ATP8B2: variants seen among roughly 807,000 people sequenced by gnomAD.
ATP8B2 encodes ATPase phospholipid transporting 8B2, also known as phospholipid-transporting ATPase ID.
Under a neutral mutation model 133.4 loss-of-function variants are expected in ATP8B2, and 70 were observed. That is an observed-to-expected ratio of 0.52 (90% CI 0.43 to 0.64). The LOEUF is 0.64. Among genes scored for constraint, ATP8B2 ranks in the 30% least tolerant of loss-of-function variants. The probability of loss-of-function intolerance (pLI) is 0.00; values close to 1 mark genes in which losing one functional copy is unlikely to be tolerated. For synonymous variants in ATP8B2, 517 were observed against 589.5 expected (o/e 0.88, Z 1.78); for missense variants, 1,101 against 1,535.7 (o/e 0.72, Z 4.73).
intron 1 of ATP8B2, among the ~76,000 whole-genome samples, chr1:154,326,831 C>G (rs924209097): frequency 2.6e-5 from 4 of 152,214 alleles, no homozygotes; most frequent in African/African-American, 9.7e-5. Context: ...ACTCTTGCAT[C>G]CTTTAACCTC....
chr1:154,331,087 A>G lies in ATP8B2; in HGVS notation c.244A>G (p.Ile82Val), dbSNP rs200971904. 50 of 1,614,050 alleles carry G rather than the reference A, an allele frequency of 3.1e-5. 2 individuals are homozygous for G. The Admixed American group carries it at 8.3e-4, about 27-fold the overall frequency. The change falls in exon 5 of 28, where the codon ATT becomes GTT. Residue 82 changes from isoleucine to valine, a missense_variant. By Grantham distance (29) the Ile-to-Val change is conservative (BLOSUM62 3). Transcript: ENST00000368489. The surrounding 1 kb of genome is among the most constrained non-coding windows in gnomAD (Gnocchi z 4.8). Reference sequence around the variant, plus strand: ...CTCTTCCCTGTCCTGGTTCACCACCATTGTGCCTTTGGTTCTTGTCCTCAC... The same window carrying G: ...CTCTTCCCTGTCCTGGTTCACCACCGTTGTGCCTTTGGTTCTTGTCCTCAC... ...QISSLSWFTT[I>V]VPLVLVLTIT...
At chr1:154,332,907 T>A (rs754970723) in intron 9 of ATP8B2, among the ~76,000 whole-genome samples, 6 of 152,198 alleles carry the variant, frequency 3.9e-5, no homozygotes, top group Non-Finnish European at 5.9e-5. Context: ...GGCTGATAGC[T>A]CCCCACTTGC....
intron 12 of ATP8B2, among the ~76,000 whole-genome samples, chr1:154,338,430 G>C (rs528375408): frequency 1.3e-5 from 2 of 152,332 alleles, no homozygotes; most frequent in South Asian, 2.1e-4. Flanking sequence ...GGGAAGCCAA[G>C]GTGGGCGGAT....
chr1:154,337,630 A>G, intron 12 of ATP8B2, 86 bp downstream of exon 12: 1 of 1,613,758 alleles, frequency 6.2e-7, no homozygotes. Flanking sequence ...GAAGTCCTTG[A>G]GAAGTAACGA....
At chr1:154,342,704 C>G in intron 14 of ATP8B2, 92 bp from the exon 15 acceptor site, 2 of 1,507,390 alleles carry the variant, frequency 1.3e-6, no homozygotes, top group Non-Finnish European at 1.8e-6. Flanking sequence ...TGGACAGGAG[C>G]CTACTGAGAG....
intron 26 of ATP8B2, 33 bp from the exon 27 acceptor site, chr1:154,348,375 C>T (rs1336702862): frequency 1.9e-6 from 3 of 1,580,864 alleles, no homozygotes; most frequent in East Asian, 4.5e-5. Flanking sequence ...TGCCTCGTGA[C>T]TCCCAAGGCC....
chr1:154,343,247 C>CAGCT lies in ATP8B2; in HGVS notation c.1589_1592dup (p.Leu532AlafsTer33), dbSNP rs1218474523. 6.2e-7 allele frequency: 1 copy of CAGCT among 1,614,012 alleles called. No homozygotes were observed. The highest frequency in any genetic ancestry group is 8.5e-7 in the Non-Finnish European group (1 of 1,180,026). On this transcript the variant is annotated frameshift_variant, in exon 16 of 28. Transcript: ENST00000368489. LOFTEE classifies it high-confidence loss of function. This position sits in a 1 kb window ranked among gnomAD's most constrained non-coding sequence, Gnocchi z 5.8. ...TGAGATGGGCACAGCCATCACCTAC[C>CAGCT]AGCTGCTGGCCATCCTGGACTTCAA...
rs1430888494 is a variant in ATP8B2, at chr1:154,344,447, T to C, written c.2088T>C (p.Thr696=). The change falls in exon 20 of 28, where the codon ACT becomes ACC. Residue 696 remains threonine, a synonymous_variant. Transcript: ENST00000368489. This position sits in a 1 kb window ranked among gnomAD's most constrained non-coding sequence, Gnocchi z 4.1. ...YSCKMLTDDM[T]EVFIVTGHTV... is the part of the protein sequence containing the mutation. ...GCAAGATGCTGACGGATGACATGACTGAGGTTTTCATAGTCACTGGCCATA... is the reference window on the plus strand; with the variant it reads ...GCAAGATGCTGACGGATGACATGACCGAGGTTTTCATAGTCACTGGCCATA... The C allele has an allele frequency of 6.2e-7, 1 of 1,614,140 alleles. No homozygotes were observed. Among genetic ancestry groups the C allele is most frequent in the South Asian group, 1.1e-5 (1 of 91,086 alleles).
rs555843176 is a variant in ATP8B2 at position 154,334,794 on chromosome 1, A to C, written c.837+203A>C. Among the ~76,000 whole-genome samples the C allele has an allele frequency of 3.3e-5, 5 of 152,260 alleles. No homozygotes were observed. The highest frequency in any genetic ancestry group is 1.2e-4 in the African/African-American group (5 of 41,556). On this transcript the variant is annotated intron_variant, in intron 11 of 27. Transcript: ENST00000368489. This position sits in a 1 kb window ranked among gnomAD's most constrained non-coding sequence, Gnocchi z 4.6. ...TAAAAAAACTTCAGGAACGTGCATG[A>C]ATCAACAACTTAAAGCTAAAACAAA... is the stretch of plus-strand genomic sequence containing the variant.
In ATP8B2 at chr1:154,340,822, G is replaced by A. The variant is rs780001240; in HGVS notation, c.1035-32G>A. ...GGGTGGGGCACCTCCTCTTCTTCCC[G>A]ACCCAAGCCTCACCTCTTGTCCCCT... On this transcript the variant is annotated intron_variant, in intron 12 of 27. Transcript: ENST00000368489. The surrounding 1 kb of genome is among the most constrained non-coding windows in gnomAD (Gnocchi z 4.0). 1.6e-5 allele frequency: 25 copies of A among 1,607,994 alleles called. No homozygotes were observed. The highest frequency in any genetic ancestry group is 2.7e-5 in the African/African-American group (2 of 74,760).
At chr1:154,336,061 C>T (rs1346039399) in intron 11 of ATP8B2, among the ~76,000 whole-genome samples, 1 of 151,412 alleles carries the variant, frequency 6.6e-6, no homozygotes, top group Admixed American at 6.6e-5. Flanking sequence ...AAAAAAAGGC[C>T]ATCTATGTGA....
In ATP8B2 at chr1:154,349,951, T is replaced by G. The variant is rs1422130592; in HGVS notation, c.*833T>G. ...ACACACATATCAATTCCTGGATTCC[T>G]TAGTCCTGCTGGCCTTGGGCTGGAG... On this transcript the variant is annotated 3_prime_UTR_variant, in exon 28 of 28. Transcript: ENST00000368489. 1 of 152,560 alleles carries G rather than the reference T, an allele frequency of 6.6e-6. No individual in the cohort carries two copies. Among genetic ancestry groups the G allele is most frequent in the Non-Finnish European group, 1.5e-5 (1 of 68,296 alleles). The allele number at this position is 152,560 out of a possible 1,614,324, so 9.5% of individuals were successfully genotyped here.
intron 27 of ATP8B2, 75 bp downstream of exon 27, chr1:154,348,613 C>T (rs1686677418): frequency 6.4e-7 from 1 of 1,563,962 alleles, no homozygotes; most frequent in Non-Finnish European, 8.7e-7. Context: ...CACTGGGGGG[C>T]TCTGTGGGGC....
At position 154,346,988 on chromosome 1, in the gene ATP8B2, C is replaced by T. The variant is rs1434335087; in HGVS notation, c.3163+230C>T. 6.6e-6 allele frequency among the ~76,000 whole-genome samples: 1 copy of T among 152,180 alleles called. No individual in the cohort carries two copies. Among genetic ancestry groups the T allele is most frequent in the Non-Finnish European group, 1.5e-5 (1 of 68,036 alleles). On this transcript the variant is annotated intron_variant, in intron 26 of 27. Coordinates refer to ENST00000368489, the MANE Select transcript of ATP8B2 (RefSeq NM_001370597.1). This position sits in a 1 kb window ranked among gnomAD's most constrained non-coding sequence, Gnocchi z 4.5. The stretch of plus-strand genomic sequence containing the variant: ...CACTGCAGCCTCTGCCTCCCGGGTT[C>T]AAGCGATTCTCATGCCTCAGCCTCC...
In ATP8B2 at chr1:154,337,481, T is replaced by G; in HGVS notation, c.971T>G (p.Phe324Cys). 6.2e-7 allele frequency: 1 copy of G among 1,614,206 alleles called. No homozygotes were observed. Among genetic ancestry groups the G allele is most frequent in the East Asian group, 2.2e-5 (1 of 44,886 alleles). The stretch of plus-strand genomic sequence containing the variant: ...GTGGACAGTGCCTTCTTCTCTGGCT[T>G]CCTCTCCTTCTGGTCCTACATCATC... ...EAVDSAFFSG[F>C]LSFWSYIIIL... Residue 324 changes from phenylalanine to cysteine, a missense_variant, in exon 12 of 28, where the codon TTC becomes TGC. Physicochemically the swap from Phe to Cys is radical, Grantham distance 205. Coordinates refer to ENST00000368489, the MANE Select transcript of ATP8B2 (RefSeq NM_001370597.1).
rs1685836866 is a variant in ATP8B2, at chr1:154,327,713, C to T, written c.-37-392C>T. The T allele has an allele frequency of 3.6e-6, 5 of 1,370,712 alleles. No individual in the cohort carries two copies. In the Admixed American group the frequency reaches 8.5e-5, roughly 23 times the overall value. 84.9% of individuals were successfully genotyped at this position (1,370,712 alleles called of 1,614,324 possible). A position where few individuals can be genotyped will look rare whatever the true frequency, so the allele number is the denominator to read the frequency against. ...TGTTTCCTGGCTCATGTTCCCTCCACCCCACCCTTTGGGGAAACTGCTTTC... is the reference window on the plus strand; with the variant it reads ...TGTTTCCTGGCTCATGTTCCCTCCATCCCACCCTTTGGGGAAACTGCTTTC... On this transcript the variant is annotated intron_variant, in intron 1 of 27. Transcript: ENST00000368489.
Position 154,344,890 on chromosome 1 carries a change from T to G in ATP8B2, c.2287-81T>G. The G allele has an allele frequency of 6.5e-7, 1 of 1,547,702 alleles. No homozygotes were observed. Among genetic ancestry groups the G allele is most frequent in the Non-Finnish European group, 8.7e-7 (1 of 1,145,658 alleles). On this transcript the variant is annotated intron_variant, in intron 21 of 27. Transcript: ENST00000368489. This position sits in a 1 kb window ranked among gnomAD's most constrained non-coding sequence, Gnocchi z 4.1. ...TTCCCCTGATTTCAGAGAAGACTGGTCTCAAAGGGGACTGGGAGGAGCTGA... is the reference window on the plus strand; with the variant it reads ...TTCCCCTGATTTCAGAGAAGACTGGGCTCAAAGGGGACTGGGAGGAGCTGA...
chr1:154,340,765 C>G lies in ATP8B2; in HGVS notation c.1035-89C>G, dbSNP rs1252686254. 4 of 1,257,680 alleles carry G rather than the reference C, an allele frequency of 3.2e-6. No homozygotes were observed. Among genetic ancestry groups the G allele is most frequent in the Non-Finnish European group, 3.4e-6 (3 of 869,796 alleles). The allele number at this position is 1,257,680 out of a possible 1,614,324, so 77.9% of individuals were successfully genotyped here. A position where few individuals can be genotyped will look rare whatever the true frequency, so the allele number is the denominator to read the frequency against. ...GTGTCTTCTCCGTTCTTGTCTCTCC[C>G]CAGGCGGAGGGCCTGCAGCGAAGGC... On this transcript the variant is annotated intron_variant, in intron 12 of 27. Transcript: ENST00000368489. The surrounding 1 kb of genome is among the most constrained non-coding windows in gnomAD (Gnocchi z 4.0).
intron 3 of ATP8B2, 94 bp downstream of exon 3, chr1:154,330,548 A>C: frequency 7.2e-7 from 1 of 1,390,566 alleles, no homozygotes; most frequent in East Asian, 2.3e-5. Context: ...CTGCCTGGGA[A>C]GAGTGCTTGG....
Sources: allele counts gnomAD v4.1 joint callset (sites outside exome capture counted in the v4.1 genomes callset), GRCh38; gene constraint gnomAD v4.1.1; non-coding constraint Gnocchi (gnomAD v3.1); transcripts MANE v1.5; gene names NCBI Gene and HGNC (gene_info 2026-07-23, HGNC 2026-07-21).